The following CKAP2L variants were observed in gnomAD, a reference collection of about 807,000 sequenced individuals.
CKAP2L encodes the protein cytoskeleton associated protein 2L.
In CKAP2L, 42 loss-of-function variants were observed where a neutral mutation model predicts 65.7. The observed-to-expected ratio is 0.64, with a 90% confidence interval of 0.50 to 0.83. The LOEUF (loss-of-function observed/expected upper bound fraction) is 0.83. CKAP2L is among the 40% of genes least tolerant of loss of function. The pLI is 0.00. For missense variants in CKAP2L, 908 were observed against 871.0 expected, an observed-to-expected ratio of 1.04 and a Z score of -0.53; for synonymous variants, 325 against 313.5, an observed-to-expected ratio of 1.04 and a Z score of -0.39.
At chr2:112,750,384 C>T (rs115895372) in intron 5 of CKAP2L, among the ~76,000 whole-genome samples, 345 of 152,294 alleles carry the variant, frequency 2.3e-3, no homozygotes, top group African/African-American at 7.9e-3. Context: ...AATTCTTGTC[C>T]GCCCGAGGCA....
intron 8 of CKAP2L, 83 bp downstream of exon 8, chr2:112,740,731 CAGTT>C (rs1213044137): frequency 2.8e-6 from 3 of 1,086,696 alleles, no homozygotes; most frequent in Non-Finnish European, 4.1e-6. Flanking sequence ...GGTCAGGTCT[CAGTT>C]ACTCTAGATC....
At chr2:112,743,748 C>T (rs1257082604) in intron 6 of CKAP2L, among the ~76,000 whole-genome samples, 1 of 152,096 alleles carries the variant, frequency 6.6e-6, no homozygotes, top group Non-Finnish European at 1.5e-5. Context: ...CAGATACAAT[C>T]TTTGTAGGCA....
At chr2:112,762,157 GGT>G (rs2104893225) in intron 2 of CKAP2L, among the ~76,000 whole-genome samples, 2 of 152,234 alleles carry the variant, frequency 1.3e-5, no homozygotes, top group East Asian at 3.9e-4. Context: ...CCAGAACCAT[GGT>G]CATTCAAGTT....
intron 3 of CKAP2L, 53 bp downstream of exon 3, chr2:112,760,660 T>C (rs1040617027): frequency 7.0e-6 from 6 of 853,796 alleles, no homozygotes; most frequent in Middle Eastern, 2.3e-4. Context: ...ATTATTTTTA[T>C]TACTAATCAT....
Position 112,764,548 on chromosome 2 carries a change from G to A in CKAP2L, c.37+14C>T. ...CCAACGCCTGAGAATAACGGGAACAGCGGTCGTACTCACCGACAGCGGCAG... is the reference window on the plus strand; with the variant it reads ...CCAACGCCTGAGAATAACGGGAACAACGGTCGTACTCACCGACAGCGGCAG... On this transcript the variant is annotated intron_variant, in intron 1 of 8. Coordinates refer to ENST00000302450, the MANE Select transcript of CKAP2L (RefSeq NM_152515.5). The A allele has an allele frequency of 1.9e-6, 3 of 1,614,076 alleles. No individual in the cohort carries two copies. The highest frequency in any genetic ancestry group is 2.2e-5 in the South Asian group (2 of 91,090).
chr2:112,761,187 G>A (rs992069488), intron 2 of CKAP2L, among the ~76,000 whole-genome samples: 6 of 152,012 alleles, frequency 3.9e-5, no homozygotes, highest in Non-Finnish European at 5.9e-5. Flanking sequence ...CCGGCTGGGC[G>A]TAGTGGCTCA....
intron 1 of CKAP2L, chr2:112,763,744 G>C (rs932925030): frequency 6.6e-6 from 1 of 152,184 alleles, no homozygotes; most frequent in South Asian, 2.1e-4. Context: ...GCTCTCTGAT[G>C]CTCATGTATC....
chr2:112,747,011 G>A (rs1450471506), intron 5 of CKAP2L, among the ~76,000 whole-genome samples: 2 of 151,970 alleles, frequency 1.3e-5, no homozygotes, highest in Admixed American at 1.3e-4. Context: ...GGATGGTCTT[G>A]ATCTCCTGAC....
intron 6 of CKAP2L, 144 bp downstream of exon 6, chr2:112,746,276 T>C (rs1352795507): frequency 7.3e-6 from 4 of 547,734 alleles, no homozygotes; most frequent in Admixed American, 6.1e-5. Flanking sequence ...TTTAATATAT[T>C]TTTAAGTTCT....
rs764675099 is a variant in CKAP2L at position 112,736,359 on chromosome 2, AATTTT to A, written c.*2459_*2463del. ...ACTCTAATTCTTGCATTTTGGTGAC[AATTTT>A]ATTTTATTAGGTATATTTAAGATTT... On this transcript the variant is annotated 3_prime_UTR_variant, in exon 9 of 9. Coordinates refer to ENST00000302450, the MANE Select transcript of CKAP2L (RefSeq NM_152515.5). Among the ~76,000 whole-genome samples the A allele has an allele frequency of 6.6e-5, 10 of 152,288 alleles. No homozygotes were observed. The highest frequency in any genetic ancestry group is 1.3e-4 in the Admixed American group (2 of 15,290).
chr2:112,747,010 T>C (rs1333653842), intron 5 of CKAP2L, among the ~76,000 whole-genome samples: 3 of 152,082 alleles, frequency 2.0e-5, no homozygotes, highest in Admixed American at 1.3e-4. Context: ...AGGATGGTCT[T>C]GATCTCCTGA....
chr2:112,746,491 T>C lies in CKAP2L; in HGVS notation c.1687A>G (p.Lys563Glu), dbSNP rs1026362509. Residue 563 changes from lysine to glutamate, a missense_variant, in exon 6 of 9, where the codon AAG (lysine) becomes GAG (glutamate). By Grantham distance (56) the Lys-to-Glu change is moderately conservative. Coordinates refer to ENST00000302450, the MANE Select transcript of CKAP2L (RefSeq NM_152515.5). ...KFAKFWICKA[K>E]LLASKGTFDV... is the part of the protein sequence containing the mutation. ...AAGGTGCCTTTACTTGCCAACAACTTTGCTTTGCAGATCCAGAATTTAGCA... is the reference window on the plus strand; with the variant it reads ...AAGGTGCCTTTACTTGCCAACAACTCTGCTTTGCAGATCCAGAATTTAGCA... The C allele has an allele frequency of 1.2e-6, 2 of 1,613,378 alleles. No homozygotes were observed. Among genetic ancestry groups the C allele is most frequent in the East Asian group, 2.2e-5 (1 of 44,828 alleles).
rs376164527 is a variant in CKAP2L, at chr2:112,738,989, G to A, written c.2072C>T (p.Ser691Leu). ...MKFITPVRRS[S>L]RIERAVSRYP... ...GCGGGACACTGCTCGCTCAATCCTC[G>A]ACGAACGCCGTACAGGAGTGATAAA... The change falls in exon 9 of 9, where the codon TCG becomes TTG. Residue 691 changes from serine (S) to leucine (L), a missense_variant. Coordinates refer to ENST00000302450, the MANE Select transcript of CKAP2L (RefSeq NM_152515.5). 3.0e-5 allele frequency: 49 copies of A among 1,614,038 alleles called. No individual in the cohort carries two copies. The highest frequency in any genetic ancestry group is 3.7e-5 in the Non-Finnish European group (44 of 1,180,030).
chr2:112,746,888 A>G (rs181957965), intron 5 of CKAP2L, among the ~76,000 whole-genome samples: 3 of 152,024 alleles, frequency 2.0e-5, no homozygotes, highest in East Asian at 3.9e-4. Flanking sequence ...CCCAGGTTCA[A>G]GCAAGTCTCC....
chr2:112,756,286 A>T lies in CKAP2L; in HGVS notation c.1085T>A (p.Ile362Lys). Residue 362 changes from isoleucine (I) to lysine (K), a missense_variant, in exon 4 of 9, where the codon ATA becomes AAA. Ile to Lys is a moderately radical substitution (Grantham distance 102, BLOSUM62 -3). Transcript: ENST00000302450. Reference sequence around the variant, plus strand: ...TTGCAGTACACATGATGTCTGAGGTATACAAACTTGGCTGGACTTCTGATC... The same window carrying T: ...TTGCAGTACACATGATGTCTGAGGTTTACAAACTTGGCTGGACTTCTGATC... ...KQDQKSSQVC[I>K]PQTSCVLQKS... 6.2e-7 allele frequency: 1 copy of T among 1,614,080 alleles called. No homozygotes were observed. Among genetic ancestry groups the T allele is most frequent in the Non-Finnish European group, 8.5e-7 (1 of 1,179,984 alleles).
intron 2 of CKAP2L, among the ~76,000 whole-genome samples, chr2:112,761,676 T>C (rs966833710): frequency 4.6e-5 from 7 of 152,184 alleles, no homozygotes; most frequent in African/African-American, 1.4e-4. Flanking sequence ...ATTGCTAGAC[T>C]AACAAGGACT....
At chr2:112,742,404 T>C in intron 7 of CKAP2L, 1 of 717,600 alleles carries the variant, frequency 1.4e-6, no homozygotes, top group Non-Finnish European at 2.6e-6. Context: ...TTCTCCTTTC[T>C]GCCTCAGTCT....
rs1290517921 is a variant in CKAP2L, at chr2:112,746,415, C to T, written c.1758+5G>A. 1 of 1,604,770 alleles carries T rather than the reference C, an allele frequency of 6.2e-7. No individual in the cohort carries two copies. Among genetic ancestry groups the T allele is most frequent in the Non-Finnish European group, 8.5e-7 (1 of 1,173,534 alleles). On this transcript the variant is annotated splice_donor_5th_base_variant and intron_variant, in intron 6 of 8. Coordinates refer to ENST00000302450, the MANE Select transcript of CKAP2L (RefSeq NM_152515.5). ...AGAAGTTACCCACCCAAGACAGATACTCACTGTTGCCCCATTTTTAATGGC... is the reference window on the plus strand; with the variant it reads ...AGAAGTTACCCACCCAAGACAGATATTCACTGTTGCCCCATTTTTAATGGC...
chr2:112,742,884 G>A (rs1322780127), intron 6 of CKAP2L, 115 bp from the exon 7 acceptor site: 53 of 661,840 alleles, frequency 8.0e-5, no homozygotes, highest in Admixed American at 1.2e-4. Flanking sequence ...TTAAAATCTC[G>A]TCTAACTATA....
Sources: allele counts gnomAD v4.1 joint callset (sites outside exome capture counted in the v4.1 genomes callset), GRCh38; gene constraint gnomAD v4.1.1; transcripts MANE v1.5; gene names NCBI Gene and HGNC (gene_info 2026-07-23, HGNC 2026-07-21).